The following LPAR1 variants were observed in gnomAD, a reference collection of about 807,000 sequenced individuals.
LPAR1 encodes the protein LPA receptor 1.
A neutral mutation model predicts 23.8 loss-of-function variants in LPAR1; 5 were observed. The observed-to-expected ratio is 0.21, with a 90% confidence interval of 0.11 to 0.44. LPAR1 has a LOEUF of 0.44. LPAR1 is among the 20% of genes least tolerant of loss of function. The pLI is 0.99. For synonymous variants in LPAR1, 160 were observed against 164.7 expected (o/e 0.97, Z 0.22); for missense variants, 311 against 482.8 (o/e 0.64, Z 3.33).
chr9:110,995,572 T>A (rs1429569297), intron 2 of LPAR1, among the ~76,000 whole-genome samples: 2 of 152,154 alleles, frequency 1.3e-5, no homozygotes, highest in Non-Finnish European at 1.5e-5. Flanking sequence ...AGTATTGTAC[T>A]AGAGGATGAA....
chr9:110,883,839 G>C (rs763285653), intron 5 of LPAR1, among the ~76,000 whole-genome samples: 1 of 152,120 alleles, frequency 6.6e-6, no homozygotes, highest in Non-Finnish European at 1.5e-5. Flanking sequence ...CGAACCCATT[G>C]ATTTCTAGGC....
intron 2 of LPAR1, among the ~76,000 whole-genome samples, chr9:111,010,872 A>C (rs1352706077): frequency 2.6e-5 from 4 of 152,178 alleles, no homozygotes; most frequent in Non-Finnish European, 5.9e-5. Context: ...CATATCCCTA[A>C]AGAAGAATAC....
chr9:110,890,079 T>C (rs1268799477), intron 5 of LPAR1, among the ~76,000 whole-genome samples: 1 of 152,114 alleles, frequency 6.6e-6, no homozygotes, highest in Non-Finnish European at 1.5e-5. Flanking sequence ...CTTATAAATA[T>C]GACCAACAAA....
chr9:110,997,161 A>C (rs954984881), intron 2 of LPAR1, among the ~76,000 whole-genome samples: 1 of 152,200 alleles, frequency 6.6e-6, no homozygotes, highest in African/African-American at 2.4e-5. Context: ...TAAAGAAGAC[A>C]CTGACCCCAA....
intron 2 of LPAR1, among the ~76,000 whole-genome samples, chr9:110,997,870 G>A (rs1036442391): frequency 2.0e-5 from 3 of 152,200 alleles, no homozygotes; most frequent in Non-Finnish European, 4.4e-5. Flanking sequence ...AAGATGCTGT[G>A]CGAGAGAGAA....
chr9:110,986,978 A>G (rs2096795626), intron 2 of LPAR1, among the ~76,000 whole-genome samples: 1 of 152,090 alleles, frequency 6.6e-6, no homozygotes, highest in Admixed American at 6.6e-5. Context: ...TAGGCGCTCA[A>G]ATGTATTTCT....
At chr9:110,917,355 T>A (rs555560069) in intron 5 of LPAR1, among the ~76,000 whole-genome samples, 7 of 151,794 alleles carry the variant, frequency 4.6e-5, no homozygotes, top group African/African-American at 1.4e-4. Flanking sequence ...ATCTCAAAAA[T>A]AATAATAATA....
At chr9:111,012,777 C>A (rs969901828) in intron 2 of LPAR1, among the ~76,000 whole-genome samples, 3 of 151,872 alleles carry the variant, frequency 2.0e-5, no homozygotes, top group Middle Eastern at 3.4e-3. Context: ...AGAAACTGTT[C>A]AATTGAGAGA....
At chr9:110,951,197 ACATAT>A (rs1307085635) in intron 4 of LPAR1, among the ~76,000 whole-genome samples, 3 of 152,096 alleles carry the variant, frequency 2.0e-5, no homozygotes, top group Admixed American at 2.0e-4. Context: ...ATGAAAATAC[ACATAT>A]AATAAAATAT....
At chr9:110,988,815 C>T (rs2096841240) in intron 2 of LPAR1, among the ~76,000 whole-genome samples, 1 of 151,990 alleles carries the variant, frequency 6.6e-6, no homozygotes, top group South Asian at 2.1e-4. Flanking sequence ...AATATATATC[C>T]ACACAAAAAC....
Position 110,967,187 on chromosome 9 carries a change from C to T in LPAR1, c.45+4886G>A, listed in dbSNP as rs552333082. On this transcript the variant is annotated intron_variant, in intron 4 of 5. Transcript: ENST00000683809. ...CTTCTTGCTGCTGCTAGTCCAGTTTCGTCTTAGTATTCATCACCTAGCTTT... is the reference window on the plus strand; with the variant it reads ...CTTCTTGCTGCTGCTAGTCCAGTTTTGTCTTAGTATTCATCACCTAGCTTT... 7.9e-5 allele frequency among the ~76,000 whole-genome samples: 12 copies of T among 152,254 alleles called. No individual in the cohort carries two copies. The East Asian group carries it at 1.9e-3, about 24-fold the overall frequency.
At chr9:110,955,411 C>T (rs1258555670) in intron 4 of LPAR1, among the ~76,000 whole-genome samples, 1 of 151,982 alleles carries the variant, frequency 6.6e-6, no homozygotes, top group East Asian at 1.9e-4. Context: ...ACACCAAACA[C>T]AGAAACAACT....
At chr9:110,909,729 G>GTATTTATTAATT (rs2092096699) in intron 5 of LPAR1, among the ~76,000 whole-genome samples, 1 of 147,780 alleles carries the variant, frequency 6.8e-6, no homozygotes, top group African/African-American at 2.5e-5. Context: ...ATTAAATAAA[G>GTATTTATTAATT]TATTTATTTA....
intron 5 of LPAR1, among the ~76,000 whole-genome samples, chr9:110,896,751 T>A (rs1221124185): frequency 2.6e-5 from 4 of 151,824 alleles, no homozygotes; most frequent in Admixed American, 6.6e-5. Context: ...GTGAGTTAAG[T>A]GACTTGTATT....
At chr9:110,968,852 A>G (rs879263439) in intron 4 of LPAR1, among the ~76,000 whole-genome samples, 5 of 152,164 alleles carry the variant, frequency 3.3e-5, no homozygotes, top group Non-Finnish European at 5.9e-5. Context: ...AGCTTTATAG[A>G]AATTATTTCA....
intron 5 of LPAR1, among the ~76,000 whole-genome samples, chr9:110,910,442 G>T (rs1039666668): frequency 2.6e-5 from 4 of 152,088 alleles, no homozygotes; most frequent in Middle Eastern, 3.2e-3. Context: ...GTACCTAGTC[G>T]CCTAAGAGCT....
Position 110,972,175 on chromosome 9 carries a change from C to T in LPAR1, c.-58G>A. 1.3e-6 allele frequency: 2 copies of T among 1,516,814 alleles called. No individual in the cohort carries two copies. The highest frequency in any genetic ancestry group is 1.7e-4 in the Middle Eastern group (1 of 5,896). 94.0% of individuals were successfully genotyped at this position (1,516,814 alleles called of 1,614,324 possible). On this transcript the variant is annotated 5_prime_UTR_variant, in exon 4 of 6. Coordinates refer to ENST00000683809, the MANE Select transcript of LPAR1 (RefSeq NM_001351411.2). Reference sequence around the variant, plus strand: ...CCCAGAACTACGGGAGACAAATTTTCTTGTTTGCTGATCAGATCGAAGTCA... The same window carrying T: ...CCCAGAACTACGGGAGACAAATTTTTTTGTTTGCTGATCAGATCGAAGTCA...
At chr9:110,889,667 C>T in intron 5 of LPAR1, among the ~76,000 whole-genome samples, 1 of 152,158 alleles carries the variant, frequency 6.6e-6, no homozygotes, top group East Asian at 1.9e-4. Context: ...TTAATAACAA[C>T]AGGATACCAG....
chr9:110,969,906 T>C (rs1366919754), intron 4 of LPAR1, among the ~76,000 whole-genome samples: 1 of 152,130 alleles, frequency 6.6e-6, no homozygotes, highest in Non-Finnish European at 1.5e-5. Flanking sequence ...GGTTTTCTAA[T>C]GTAGATTCCA....
Sources: allele counts gnomAD v4.1 joint callset (sites outside exome capture counted in the v4.1 genomes callset), GRCh38; gene constraint gnomAD v4.1.1; transcripts MANE v1.5; gene names NCBI Gene and HGNC (gene_info 2026-07-23, HGNC 2026-07-21).